The following LDLRAD3 variants were observed in gnomAD, a reference collection of about 807,000 sequenced individuals.
LDLRAD3 encodes the protein low density lipoprotein receptor class A domain containing 3.
Under a neutral mutation model 29.4 loss-of-function variants are expected in LDLRAD3, and 20 were observed. That is an observed-to-expected ratio of 0.68 (90% CI 0.48 to 0.99). The LOEUF (loss-of-function observed/expected upper bound fraction) is 0.99, where lower values mean the gene tolerates loss of function less well. LDLRAD3 is among the 50% of genes least tolerant of loss of function. LDLRAD3 has a pLI of 0.00. For missense variants in LDLRAD3, 420 were observed against 454.3 expected, an observed-to-expected ratio of 0.92 and a Z score of 0.69; for synonymous variants, 157 against 192.7, an observed-to-expected ratio of 0.81 and a Z score of 1.53.
At chr11:36,191,639 C>T (rs1459527599) in intron 4 of LDLRAD3, among the ~76,000 whole-genome samples, 1 of 136,264 alleles carries the variant, frequency 7.3e-6, no homozygotes, top group African/African-American at 2.8e-5. Context: ...CACGCACGCA[C>T]AAAGAAGAAA....
At chr11:35,996,149 C>T (rs1851751952) in intron 1 of LDLRAD3, among the ~76,000 whole-genome samples, 1 of 152,230 alleles carries the variant, frequency 6.6e-6, no homozygotes. Context: ...ATGCCTTCCT[C>T]ACTAAGCTTA....
intron 4 of LDLRAD3, among the ~76,000 whole-genome samples, chr11:36,149,825 C>T (rs999930432): frequency 6.6e-5 from 10 of 152,094 alleles, no homozygotes; most frequent in South Asian, 4.1e-4. Flanking sequence ...TGAGGCTCTG[C>T]GTCTGTTCCT....
chr11:35,986,197 G>A (rs1851613099), intron 1 of LDLRAD3, among the ~76,000 whole-genome samples: 1 of 152,196 alleles, frequency 6.6e-6, no homozygotes, highest in Non-Finnish European at 1.5e-5. Context: ...CAACTGGACA[G>A]TGGCTGATTA....
At chr11:35,967,236 T>TC in intron 1 of LDLRAD3, 1 of 206,934 alleles carries the variant, frequency 4.8e-6, no homozygotes. Flanking sequence ...TCTTCTGCTT[T>TC]CCCCAGGGAG....
chr11:36,043,623 A>G (rs1045065884), intron 2 of LDLRAD3, among the ~76,000 whole-genome samples: 30 of 152,230 alleles, frequency 2.0e-4, no homozygotes, highest in African/African-American at 5.5e-4. Flanking sequence ...AGACGATAAT[A>G]TGAAGATAGG....
intron 3 of LDLRAD3, among the ~76,000 whole-genome samples, chr11:36,089,081 G>A (rs1249909766): frequency 6.6e-6 from 1 of 152,188 alleles, no homozygotes; most frequent in Admixed American, 6.5e-5. Context: ...GCCTTAGCAA[G>A]CGACAAACAT....
chr11:36,078,523 C>T (rs1853055431), intron 2 of LDLRAD3, among the ~76,000 whole-genome samples: 1 of 152,242 alleles, frequency 6.6e-6, no homozygotes, highest in African/African-American at 2.4e-5. Context: ...AACTTTGCTC[C>T]ATGATCTGAG....
chr11:36,036,049 C>G, intron 1 of LDLRAD3, 54 bp from the exon 2 acceptor site: 1 of 1,573,142 alleles, frequency 6.4e-7, no homozygotes, highest in Non-Finnish European at 8.7e-7. Context: ...AGTTGAGGGG[C>G]GCTGAGGTCC....
chr11:36,068,145 T>G (rs1253148255), intron 2 of LDLRAD3, among the ~76,000 whole-genome samples: 1 of 152,168 alleles, frequency 6.6e-6, no homozygotes, highest in Non-Finnish European at 1.5e-5. Context: ...CTTGGTTCTG[T>G]GTGTGGCATA....
intron 4 of LDLRAD3, among the ~76,000 whole-genome samples, chr11:36,169,568 T>C (rs1359627013): frequency 1.3e-5 from 2 of 152,226 alleles, no homozygotes; most frequent in Admixed American, 6.5e-5. Context: ...GTGCCTGGCT[T>C]ATTTCACTTA....
chr11:35,997,252 A>T, intron 1 of LDLRAD3: 1 of 327,926 alleles, frequency 3.0e-6, no homozygotes, highest in South Asian at 3.1e-5. Context: ...AGCCATCAGC[A>T]TTGCAGCTCA....
intron 4 of LDLRAD3, among the ~76,000 whole-genome samples, chr11:36,162,047 G>A (rs61079624): frequency 0.024 from 3,621 of 152,200 alleles, 118 homozygotes; most frequent in African/African-American, 0.074. Flanking sequence ...AAATCATTCC[G>A]TTAACGGTTT....
intron 3 of LDLRAD3, among the ~76,000 whole-genome samples, chr11:36,089,049 G>A (rs1052605607): frequency 2.0e-5 from 3 of 152,116 alleles, no homozygotes; most frequent in African/African-American, 7.2e-5. Flanking sequence ...TATTTCCAGC[G>A]CCATGTATAT....
intron 4 of LDLRAD3, among the ~76,000 whole-genome samples, chr11:36,121,032 G>T (rs1483953091): frequency 6.6e-6 from 1 of 152,092 alleles, no homozygotes; most frequent in Non-Finnish European, 1.5e-5. Context: ...TGTTCACCTG[G>T]TCCATGGTAT....
chr11:36,071,934 T>G (rs1488609701), intron 2 of LDLRAD3, among the ~76,000 whole-genome samples: 3 of 152,258 alleles, frequency 2.0e-5, no homozygotes, highest in Admixed American at 1.3e-4. Flanking sequence ...TACCAAAATG[T>G]CCACAGAATA....
At chr11:36,221,155 C>T (rs896170488) in intron 4 of LDLRAD3, among the ~76,000 whole-genome samples, 1 of 151,920 alleles carries the variant, frequency 6.6e-6, no homozygotes, top group South Asian at 2.1e-4. Flanking sequence ...CAAGACTGGC[C>T]TGGCCATCAT....
intron 1 of LDLRAD3, among the ~76,000 whole-genome samples, chr11:35,951,914 G>A (rs956283954): frequency 6.6e-6 from 1 of 152,220 alleles, no homozygotes; most frequent in Non-Finnish European, 1.5e-5. Flanking sequence ...AGAAGATGCA[G>A]TTGGCCATTA....
chr11:36,143,875 T>C (rs1590303790), intron 4 of LDLRAD3, among the ~76,000 whole-genome samples: 2 of 151,968 alleles, frequency 1.3e-5, no homozygotes, highest in South Asian at 4.2e-4. Flanking sequence ...TGCCTCCAAA[T>C]GCAGTCGCAT....
At chr11:36,110,944 G>A (rs916372523) in intron 4 of LDLRAD3, among the ~76,000 whole-genome samples, 2 of 152,158 alleles carry the variant, frequency 1.3e-5, no homozygotes, top group African/African-American at 4.8e-5. Context: ...GAAAACAAAC[G>A]TGGGGCTGGG....
Sources: allele counts gnomAD v4.1 joint callset (sites outside exome capture counted in the v4.1 genomes callset), GRCh38; gene constraint gnomAD v4.1.1; transcripts MANE v1.5; gene names NCBI Gene and HGNC (gene_info 2026-07-23, HGNC 2026-07-21).